Variants in GRM8 observed in about 807,000 individuals in gnomAD.
GRM8 encodes the protein metabotropic glutamate receptor 8.
A neutral mutation model predicts 87.2 loss-of-function variants in GRM8; 47 were observed. The ratio of observed to expected loss-of-function variants is 0.54; its 90% CI spans 0.43 to 0.69. The LOEUF is 0.69. Ranked by LOEUF, GRM8 falls within the 30% of genes least tolerant of loss-of-function variation. The probability of loss-of-function intolerance (pLI) is 0.00; values close to 1 mark genes in which losing one functional copy is unlikely to be tolerated. For missense variants in GRM8, 1,019 were observed against 1,139.2 expected, an observed-to-expected ratio of 0.89 and a Z score of 1.52; for synonymous variants, 396 against 404.5, an observed-to-expected ratio of 0.98 and a Z score of 0.25.
rs1038612962 is a variant in GRM8 at position 126,786,549 on chromosome 7, C to T, written c.1157-16484G>A. Among the ~76,000 whole-genome samples, 10 of 152,122 alleles carry T rather than the reference C, an allele frequency of 6.6e-5. 1 individual carries two copies. Among genetic ancestry groups the T allele is most frequent in the Admixed American group, 6.6e-4 (10 of 15,256 alleles). On this transcript the variant is annotated intron_variant, in intron 6 of 10. Transcript: ENST00000339582. ...AAATGTGAGTGTCCTCTATCCCAAC[C>T]TTCTATGTCTGCCATTCCTGCAGTG...
At chr7:126,728,792 T>C (rs1813282270) in intron 7 of GRM8, among the ~76,000 whole-genome samples, 1 of 152,158 alleles carries the variant, frequency 6.6e-6, no homozygotes, top group African/African-American at 2.4e-5. Flanking sequence ...GGCTTCCTGC[T>C]GGCTTCTGGG....
At chr7:126,952,330 G>A (rs1307045380) in intron 3 of GRM8, among the ~76,000 whole-genome samples, 1 of 151,936 alleles carries the variant, frequency 6.6e-6, no homozygotes, top group Non-Finnish European at 1.5e-5. Flanking sequence ...GAGAAAGACA[G>A]CTCTTCCATG....
chr7:126,758,692 C>T (rs1817275269), intron 7 of GRM8, among the ~76,000 whole-genome samples: 1 of 152,084 alleles, frequency 6.6e-6, no homozygotes, highest in African/African-American at 2.4e-5. Context: ...TAAATACATA[C>T]TTACAGATTT....
chr7:126,544,797 C>T lies in GRM8; in HGVS notation c.1495-10910G>A, dbSNP rs117795419. On this transcript the variant is annotated intron_variant, in intron 8 of 10. Coordinates refer to ENST00000339582, the MANE Select transcript of GRM8 (RefSeq NM_000845.3). ...TGCTGGGATTACAGACATGAGCCAC[C>T]GCACCTGGCCTTCAAAGTATTTTAT... 8.7e-3 allele frequency among the ~76,000 whole-genome samples: 1,323 copies of T among 152,104 alleles called. 18 individuals carry two copies. The highest frequency in any genetic ancestry group is 0.011 in the Non-Finnish European group (720 of 68,002).
rs543710231 is a variant in GRM8, at chr7:126,930,428, A to T, written c.728-25745T>A. Reference sequence around the variant, plus strand: ...ATCGGCAGTCCTACAGAAGAGGAAAACCTCTTTTGGGAGGACACACTGCTC... The same window carrying T: ...ATCGGCAGTCCTACAGAAGAGGAAATCCTCTTTTGGGAGGACACACTGCTC... On this transcript the variant is annotated intron_variant, in intron 3 of 10. Coordinates refer to ENST00000339582, the MANE Select transcript of GRM8 (RefSeq NM_000845.3). Among the ~76,000 whole-genome samples the T allele has an allele frequency of 2.6e-5, 4 of 152,118 alleles. No individual in the cohort carries two copies. In the East Asian group the frequency reaches 7.8e-4, roughly 30 times the overall value.
intron 3 of GRM8, among the ~76,000 whole-genome samples, chr7:127,083,724 C>T (rs1047805513): frequency 2.0e-5 from 3 of 152,016 alleles, no homozygotes; most frequent in Non-Finnish European, 2.9e-5. Context: ...CAAATGCTGC[C>T]CCCCTCTTTC....
intron 3 of GRM8, among the ~76,000 whole-genome samples, chr7:126,913,778 C>T (rs1320477482): frequency 6.6e-6 from 1 of 152,094 alleles, no homozygotes; most frequent in African/African-American, 2.4e-5. Context: ...CCTCATGTGG[C>T]GTACAACTGG....
intron 7 of GRM8, among the ~76,000 whole-genome samples, chr7:126,720,859 CTCTAAG>C (rs1812319272): frequency 6.6e-6 from 1 of 152,188 alleles, no homozygotes; most frequent in African/African-American, 2.4e-5. Flanking sequence ...TCATTGGCAT[CTCTAAG>C]AAGAGTATGG....
At chr7:126,735,326 T>C (rs1814083850) in intron 7 of GRM8, among the ~76,000 whole-genome samples, 1 of 152,054 alleles carries the variant, frequency 6.6e-6, no homozygotes, top group Admixed American at 6.6e-5. Flanking sequence ...ATACAATGGC[T>C]AATTAGTATA....
At chr7:126,561,840 T>C (rs1039565826) in intron 8 of GRM8, among the ~76,000 whole-genome samples, 1 of 116,052 alleles carries the variant, frequency 8.6e-6, no homozygotes, top group Non-Finnish European at 1.8e-5. Context: ...TGTGTTCTCA[T>C]TGTTCAATTC....
chr7:126,568,455 C>G (rs1419422480), intron 8 of GRM8, among the ~76,000 whole-genome samples: 1 of 152,092 alleles, frequency 6.6e-6, no homozygotes, highest in African/African-American at 2.4e-5. Flanking sequence ...TACAAAACAT[C>G]TGGGTTTCTA....
intron 3 of GRM8, among the ~76,000 whole-genome samples, chr7:126,923,169 G>A (rs1804714843): frequency 6.6e-6 from 1 of 152,166 alleles, no homozygotes; most frequent in South Asian, 2.1e-4. Flanking sequence ...GCCTGTGACT[G>A]TATTATCTTA....
intron 3 of GRM8, among the ~76,000 whole-genome samples, chr7:127,099,495 T>C (rs973664757): frequency 2.0e-5 from 3 of 152,158 alleles, no homozygotes; most frequent in African/African-American, 4.8e-5. Context: ...GAGCTCTACC[T>C]AGGAAAGCCA....
intron 9 of GRM8, among the ~76,000 whole-genome samples, chr7:126,452,615 C>T (rs1414812811): frequency 2.0e-5 from 3 of 151,168 alleles, no homozygotes; most frequent in Non-Finnish European, 4.4e-5. Flanking sequence ...GACTGGAGGA[C>T]TCCATTCTTT....
At chr7:126,712,562 C>T (rs373725463) in intron 7 of GRM8, among the ~76,000 whole-genome samples, 2 of 152,040 alleles carry the variant, frequency 1.3e-5, no homozygotes, top group East Asian at 3.9e-4. Flanking sequence ...ACATGGTACA[C>T]CAAAAGCAAC....
In GRM8 at chr7:127,251,696, C is replaced by G. The variant is rs149316513; in HGVS notation, c.-312+1101G>C. Among the ~76,000 whole-genome samples the G allele has an allele frequency of 3.0e-3, 452 of 151,426 alleles. 3 individuals carry two copies. Among genetic ancestry groups the G allele is most frequent in the African/African-American group, 0.01 (430 of 41,440 alleles). ...CCCCCGCCGCACCTGGCCGCCCGAG[C>G]GCCCGCGCCCACGCCCCGCGCGGGG... On this transcript the variant is annotated intron_variant, in intron 1 of 10. Transcript: ENST00000339582.
At position 126,805,151 on chromosome 7, in the gene GRM8, A is replaced by C. The variant is rs148717132; in HGVS notation, c.1157-35086T>G. The stretch of plus-strand genomic sequence containing the variant: ...TAACTCCTAAAGAAATTGGCTCAGA[A>C]AGGTCAGGACTTGACCTTCTTAATG... On this transcript the variant is annotated intron_variant, in intron 6 of 10. Coordinates refer to ENST00000339582, the MANE Select transcript of GRM8 (RefSeq NM_000845.3). Among the ~76,000 whole-genome samples the C allele has an allele frequency of 7.3e-4, 111 of 152,262 alleles. 1 individual carries two copies. Among genetic ancestry groups the C allele is most frequent in the Middle Eastern group, 3.4e-3 (1 of 294 alleles).
At chr7:126,490,568 A>G (rs1220604080) in intron 9 of GRM8, among the ~76,000 whole-genome samples, 1 of 152,058 alleles carries the variant, frequency 6.6e-6, no homozygotes, top group Non-Finnish European at 1.5e-5. Flanking sequence ...CTAGCCTCCT[A>G]TTATTCAGAT....
At chr7:126,789,439 G>C (rs529508320) in intron 6 of GRM8, among the ~76,000 whole-genome samples, 26 of 152,166 alleles carry the variant, frequency 1.7e-4, no homozygotes, top group African/African-American at 5.8e-4. Flanking sequence ...TATCTTTGCT[G>C]CCCCGACAGA....
Sources: allele counts gnomAD v4.1 joint callset (sites outside exome capture counted in the v4.1 genomes callset), GRCh38; gene constraint gnomAD v4.1.1; transcripts MANE v1.5; gene names NCBI Gene and HGNC (gene_info 2026-07-23, HGNC 2026-07-21).